Variants in CTDP1 observed in about 807,000 individuals in gnomAD.
CTDP1 encodes the protein RNA polymerase II subunit A C-terminal domain phosphatase.
CTDP1 carries 47 observed loss-of-function variants against 91.8 expected under a neutral mutation model. The observed-to-expected ratio is 0.51, with a 90% CI of 0.41 to 0.65. The LOEUF is 0.65. CTDP1 is among the 30% of genes least tolerant of loss of function. The probability of loss-of-function intolerance (pLI) is 0.00; values close to 1 mark genes in which losing one functional copy is unlikely to be tolerated. For synonymous variants in CTDP1, 656 were observed against 598.5 expected (o/e 1.10, Z -1.40); for missense variants, 1,272 against 1,373.7 (o/e 0.93, Z 1.17).
intron 1 of CTDP1, among the ~76,000 whole-genome samples, chr18:79,688,163 G>A (rs926505264): frequency 6.6e-5 from 10 of 152,248 alleles, no homozygotes; most frequent in South Asian, 4.1e-4. Context: ...GGTGCAGAGC[G>A]TCAGCCACAG....
At chr18:79,749,377 C>T (rs1041147482) in intron 12 of CTDP1, among the ~76,000 whole-genome samples, 3 of 152,128 alleles carry the variant, frequency 2.0e-5, no homozygotes, top group African/African-American at 7.2e-5. Flanking sequence ...CCCAGCGTCG[C>T]TGTGAGGGAG....
intron 11 of CTDP1, 39 bp downstream of exon 11, chr18:79,729,108 C>A: frequency 1.2e-6 from 2 of 1,610,666 alleles, no homozygotes; most frequent in South Asian, 2.2e-5. Flanking sequence ...CGCCAGCGCT[C>A]GTGCTGGGGC....
At position 79,697,999 on chromosome 18, in the gene CTDP1, T is replaced by G; in HGVS notation, c.621+11T>G. 6.2e-7 allele frequency: 1 copy of G among 1,614,172 alleles called. No homozygotes were observed. The highest frequency in any genetic ancestry group is 8.5e-7 in the Non-Finnish European group (1 of 1,180,012). On this transcript the variant is annotated intron_variant, in intron 4 of 12. Coordinates refer to ENST00000613122, the MANE Select transcript of CTDP1 (RefSeq NM_004715.5). ...CAGATGTCGAATAAAGTGAGTGCAG[T>G]CAGCATCTACGGACAGTTTCCCAGG...
At chr18:79,697,394 C>T (rs1009819742) in intron 3 of CTDP1, among the ~76,000 whole-genome samples, 1 of 152,228 alleles carries the variant, frequency 6.6e-6, no homozygotes, top group South Asian at 2.1e-4. Context: ...TGCGCTGTTG[C>T]CAGGCCCCCG....
At position 79,753,952 on chromosome 18, in the gene CTDP1, T is replaced by C. The variant is rs1294534442; in HGVS notation, c.*162T>C. On this transcript the variant is annotated 3_prime_UTR_variant, in exon 13 of 13. Coordinates refer to ENST00000613122, the MANE Select transcript of CTDP1 (RefSeq NM_004715.5). ...ACACATTATTTTGCAGAAATAGGTGTTTTTAAGAAGTTTTACTACAGGAAT... is the reference window on the plus strand; with the variant it reads ...ACACATTATTTTGCAGAAATAGGTGCTTTTAAGAAGTTTTACTACAGGAAT... The C allele has an allele frequency of 9.8e-7, 1 of 1,018,064 alleles. No individual in the cohort carries two copies. The highest frequency in any genetic ancestry group is 1.4e-6 in the Non-Finnish European group (1 of 703,708). 63.1% of individuals were successfully genotyped at this position (1,018,064 alleles called of 1,614,324 possible).
intron 10 of CTDP1, among the ~76,000 whole-genome samples, chr18:79,720,469 TAGG>T (rs777140355): frequency 1.7e-4 from 26 of 150,832 alleles, no homozygotes; most frequent in African/African-American, 3.7e-4. Flanking sequence ...CTCCTGTCAT[TAGG>T]AGGGCGTCCT....
At chr18:79,737,142 T>C (rs1053210906) in intron 12 of CTDP1, among the ~76,000 whole-genome samples, 3 of 152,250 alleles carry the variant, frequency 2.0e-5, no homozygotes, top group African/African-American at 7.2e-5. Context: ...GAATGAGGCC[T>C]GTTTTCGGGC....
Position 79,717,806 on chromosome 18 carries a change from A to G in CTDP1, c.2211-4A>G, listed in dbSNP as rs1319173423. ...TCATGGCCCTCGTTCTCTTCCTCCGACAGGGAGAACAGCCCTGCGGCCTTT... is the reference window on the plus strand; with the variant it reads ...TCATGGCCCTCGTTCTCTTCCTCCGGCAGGGAGAACAGCCCTGCGGCCTTT... On this transcript the variant is annotated splice_polypyrimidine_tract_variant and splice_region_variant and intron_variant, in intron 9 of 12. Coordinates refer to ENST00000613122, the MANE Select transcript of CTDP1 (RefSeq NM_004715.5). The G allele has an allele frequency of 6.2e-7, 1 of 1,613,722 alleles. No homozygotes were observed.
chr18:79,734,720 G>A (rs1024197462), intron 11 of CTDP1, among the ~76,000 whole-genome samples: 1 of 152,236 alleles, frequency 6.6e-6, no homozygotes, highest in Non-Finnish European at 1.5e-5. Context: ...CCGTGTTAAA[G>A]GCCCTAAGTA....
chr18:79,689,266 T>C (rs921324005), intron 1 of CTDP1, among the ~76,000 whole-genome samples: 1 of 152,154 alleles, frequency 6.6e-6, no homozygotes, highest in African/African-American at 2.4e-5. Flanking sequence ...CTGCGTTTAG[T>C]GAAGGTGGTG....
chr18:79,680,743 G>A (rs2085346868), intron 1 of CTDP1: 1 of 152,672 alleles, frequency 6.5e-6, no homozygotes, highest in African/African-American at 2.4e-5. Context: ...AGGAACGGGC[G>A]GAACCCAGGC....
intron 6 of CTDP1, among the ~76,000 whole-genome samples, chr18:79,712,094 T>G (rs1444443450): frequency 7.7e-6 from 1 of 130,456 alleles, no homozygotes; most frequent in Non-Finnish European, 1.7e-5. Flanking sequence ...AGCGCCAGAG[T>G]GAGTAGATTA....
intron 10 of CTDP1, among the ~76,000 whole-genome samples, chr18:79,723,243 C>T (rs957046954): frequency 3.8e-4 from 58 of 152,260 alleles, no homozygotes; most frequent in African/African-American, 1.3e-3. Flanking sequence ...ATTGGTTGCC[C>T]GATTCCCCCA....
rs138385178 is a variant in CTDP1, at chr18:79,720,905, G to T, written c.2417+2889G>T. 1.8e-3 allele frequency among the ~76,000 whole-genome samples: 274 copies of T among 152,242 alleles called. 1 individual carries two copies. The highest frequency in any genetic ancestry group is 6.2e-3 in the African/African-American group (257 of 41,544). On this transcript the variant is annotated intron_variant, in intron 10 of 12. Transcript: ENST00000613122. ...GTTGGGGGTCCCCACACACAGACTTGTGCAGTTTTGATAATCTGCTGAATC... is the reference window on the plus strand; with the variant it reads ...GTTGGGGGTCCCCACACACAGACTTTTGCAGTTTTGATAATCTGCTGAATC...
chr18:79,722,995 T>TGGCG (rs1161317100), intron 10 of CTDP1, among the ~76,000 whole-genome samples: 1 of 152,216 alleles, frequency 6.6e-6, no homozygotes, highest in African/African-American at 2.4e-5. Flanking sequence ...TGAGTTCATG[T>TGGCG]GGCGCCTGCC....
chr18:79,755,016 G>C (rs1355563240), downstream of CTDP1: 1 of 152,364 alleles, frequency 6.6e-6, no homozygotes, highest in Non-Finnish European at 1.5e-5. Context: ...TCCATCCACA[G>C]GATGTGGCTC....
rs375464090 is a variant in CTDP1, at chr18:79,710,446, C to A, written c.863+10C>A. On this transcript the variant is annotated intron_variant, in intron 6 of 12. Transcript: ENST00000613122. ...AAACGGGAAACCTTAGGTATGTACC[C>A]AGCCGCGCTCCTCACAAAGACCTCG... 1 of 1,587,792 alleles carries A rather than the reference C, an allele frequency of 6.3e-7. No homozygotes were observed. The highest frequency in any genetic ancestry group is 1.1e-5 in the South Asian group (1 of 90,478).
At chr18:79,741,565 T>C (rs929446225) in intron 12 of CTDP1, among the ~76,000 whole-genome samples, 2 of 152,174 alleles carry the variant, frequency 1.3e-5, no homozygotes, top group African/African-American at 2.4e-5. Context: ...GGTGCCCCCG[T>C]TTCCTGTCCC....
intron 10 of CTDP1, among the ~76,000 whole-genome samples, chr18:79,720,693 T>C (rs1312720855): frequency 6.6e-6 from 1 of 152,220 alleles, no homozygotes; most frequent in African/African-American, 2.4e-5. Flanking sequence ...GTTGGGTTTT[T>C]AATACAAGGT....
Sources: gnomAD v4.1 joint callset for allele counts (sites outside exome capture counted in the v4.1 genomes callset) on GRCh38, gnomAD v4.1.1 for gene constraint, MANE v1.5 for transcripts, NCBI Gene and HGNC (gene_info 2026-07-23, HGNC 2026-07-21) for gene names.